Variants in PEBP4 observed in about 807,000 individuals in gnomAD.
The protein encoded by PEBP4 is phosphatidylethanolamine binding protein 4, also known as phosphatidylethanolamine-binding protein 4.
In PEBP4, 22 loss-of-function variants were observed where a neutral mutation model predicts 23.9. The ratio of observed to expected loss-of-function variants is 0.92; its 90% CI spans 0.66 to 1.31. The LOEUF (loss-of-function observed/expected upper bound fraction) is 1.31, where lower values mean the gene tolerates loss of function less well. Ranked by LOEUF, PEBP4 falls within the 40% of genes most tolerant of loss-of-function variation. PEBP4 has a pLI of 0.00. For missense variants in PEBP4, 324 were observed against 281.7 expected, an observed-to-expected ratio of 1.15 and a Z score of -1.07; for synonymous variants, 112 against 99.3, an observed-to-expected ratio of 1.13 and a Z score of -0.76.
At chr8:22,857,350 C>G (rs1482011584) in intron 3 of PEBP4, among the ~76,000 whole-genome samples, 1 of 152,166 alleles carries the variant, frequency 6.6e-6, no homozygotes, top group African/African-American at 2.4e-5. Flanking sequence ...GGCTCCATCA[C>G]CTACCAATGC....
intron 3 of PEBP4, among the ~76,000 whole-genome samples, chr8:22,911,537 C>T (rs991493400): frequency 1.3e-5 from 2 of 152,250 alleles, no homozygotes; most frequent in African/African-American, 4.8e-5. Context: ...TGATACTGCT[C>T]TTCTAAAAAT....
intron 4 of PEBP4, chr8:22,798,511 C>T (rs1806310707): frequency 6.5e-6 from 1 of 153,400 alleles, no homozygotes; most frequent in African/African-American, 2.4e-5. Flanking sequence ...AACTTGCTCA[C>T]CTGCATGCCC....
chr8:22,792,124 G>T (rs1806152928), intron 4 of PEBP4, among the ~76,000 whole-genome samples: 1 of 151,942 alleles, frequency 6.6e-6, no homozygotes, highest in Non-Finnish European at 1.5e-5. Flanking sequence ...CTCCCAAAGT[G>T]CTGGGATTAC....
chr8:22,756,501 C>T (rs2128752437), intron 4 of PEBP4, among the ~76,000 whole-genome samples: 1 of 152,322 alleles, frequency 6.6e-6, no homozygotes, highest in East Asian at 1.9e-4. Context: ...CCTCCCTGGC[C>T]CTGGCCCCAG....
intron 3 of PEBP4, among the ~76,000 whole-genome samples, chr8:22,912,368 G>A (rs1808956704): frequency 6.6e-6 from 1 of 152,242 alleles, no homozygotes; most frequent in Admixed American, 6.5e-5. Flanking sequence ...GAGGGGCAGA[G>A]AGTGGAGCTC....
rs10680983 is a variant in PEBP4 at position 22,725,999 on chromosome 8, A to ATGTGTGTGTGTGTGTG, written c.404-1059_404-1044dup. On this transcript the variant is annotated intron_variant, in intron 5 of 6. Coordinates refer to ENST00000256404, the MANE Select transcript of PEBP4 (RefSeq NM_144962.3). ...CATTTTTGGATCGCAGATCAGATAT[A>ATGTGTGTGTGTGTGTG]TGTGTGTGTGTGTGTGTGTGTGTGT... Among the ~76,000 whole-genome samples the ATGTGTGTGTGTGTGTG allele has an allele frequency of 2.3e-3, 337 of 146,440 alleles. 1 individual carries two copies. The highest frequency in any genetic ancestry group is 3.7e-3 in the Admixed American group (55 of 14,698).
At chr8:22,935,635 T>C (rs1043958638) in intron 1 of PEBP4, among the ~76,000 whole-genome samples, 2 of 152,228 alleles carry the variant, frequency 1.3e-5, no homozygotes, top group Non-Finnish European at 2.9e-5. Flanking sequence ...ATCCTACACC[T>C]GACCTCATGT....
At chr8:22,717,451 GATGTATTTCCA>G (rs1237578133) in intron 6 of PEBP4, among the ~76,000 whole-genome samples, 5 of 57,842 alleles carry the variant, frequency 8.6e-5, no homozygotes, top group Admixed American at 4.4e-4. Context: ...TTTCCGTCCT[GATGTATTTCCA>G]TCCTGATGTA....
chr8:22,877,220 C>T (rs945115752), intron 3 of PEBP4, among the ~76,000 whole-genome samples: 1 of 152,138 alleles, frequency 6.6e-6, no homozygotes, highest in South Asian at 2.1e-4. Flanking sequence ...TGGCTAAGAG[C>T]CCTTTTTGTC....
chr8:22,724,473 G>C (rs1036950234), intron 6 of PEBP4, among the ~76,000 whole-genome samples: 1 of 152,244 alleles, frequency 6.6e-6, no homozygotes, highest in Non-Finnish European at 1.5e-5. Context: ...GCCCAGATCA[G>C]ACTCAATTAC....
chr8:22,749,149 G>A (rs979621293), intron 4 of PEBP4, among the ~76,000 whole-genome samples: 2 of 152,212 alleles, frequency 1.3e-5, no homozygotes, highest in African/African-American at 4.8e-5. Flanking sequence ...AGGAAGGAGA[G>A]TGGGGATGGC....
Position 22,919,765 on chromosome 8 carries a change from C to G in PEBP4, c.258+419G>C, listed in dbSNP as rs1370809895. On this transcript the variant is annotated intron_variant, in intron 3 of 6. Coordinates refer to ENST00000256404, the MANE Select transcript of PEBP4 (RefSeq NM_144962.3). ...GGTAAATACCAGCTTCTCTCCAGCC[C>G]AGAAGCCATCTGAAGGCCCAGGCAC... 2.6e-5 allele frequency among the ~76,000 whole-genome samples: 4 copies of G among 152,308 alleles called. No individual in the cohort carries two copies. The East Asian group carries it at 7.7e-4, about 29-fold the overall frequency.
At chr8:22,898,679 C>T (rs188853588) in intron 3 of PEBP4, among the ~76,000 whole-genome samples, 47 of 152,352 alleles carry the variant, frequency 3.1e-4, no homozygotes, top group African/African-American at 1.0e-3. Context: ...TGGCTGTTAG[C>T]TCCTCTTTGT....
Position 22,865,804 on chromosome 8 carries a change from C to T in PEBP4, c.259-48069G>A, listed in dbSNP as rs1026810413. Reference sequence around the variant, plus strand: ...CGGCCACTCCCGGGGGCGCGAGCGGCGGCGCCTAGAGGGACCCCCACCCCG... The same window carrying T: ...CGGCCACTCCCGGGGGCGCGAGCGGTGGCGCCTAGAGGGACCCCCACCCCG... On this transcript the variant is annotated intron_variant, in intron 3 of 6. Transcript: ENST00000256404. The surrounding 1 kb of genome is among the most constrained non-coding windows in gnomAD (Gnocchi z 6.9). Among the ~76,000 whole-genome samples the T allele has an allele frequency of 6.6e-6, 1 of 152,294 alleles. No individual in the cohort carries two copies. Among genetic ancestry groups the T allele is most frequent in the Admixed American group, 6.5e-5 (1 of 15,302 alleles).
Position 22,830,063 on chromosome 8 carries a change from C to T in PEBP4, c.259-12328G>A, listed in dbSNP as rs534216805. On this transcript the variant is annotated intron_variant, in intron 3 of 6. Coordinates refer to ENST00000256404, the MANE Select transcript of PEBP4 (RefSeq NM_144962.3). ...ATGACTTCTGTGCTTCCATCCTATT[C>T]TTCTTCCTCAAGCCTTGTTTTCCCC... Among the ~76,000 whole-genome samples the T allele has an allele frequency of 2.0e-3, 307 of 151,950 alleles. 3 individuals are homozygous for T. The highest frequency in any genetic ancestry group is 3.3e-3 in the Non-Finnish European group (227 of 67,968).
intron 4 of PEBP4, among the ~76,000 whole-genome samples, chr8:22,786,375 T>C (rs1806027087): frequency 6.6e-6 from 1 of 151,748 alleles, no homozygotes; most frequent in Admixed American, 6.6e-5. Context: ...CTTGACCTCC[T>C]GGGTTCAAGC....
intron 3 of PEBP4, among the ~76,000 whole-genome samples, chr8:22,841,703 G>C (rs1301962346): frequency 2.6e-5 from 4 of 152,230 alleles, no homozygotes; most frequent in African/African-American, 9.6e-5. Flanking sequence ...CCCTGTGCTA[G>C]AATGAACCCT....
intron 4 of PEBP4, among the ~76,000 whole-genome samples, chr8:22,738,695 C>T (rs1023848395): frequency 2.6e-5 from 4 of 152,158 alleles, no homozygotes; most frequent in African/African-American, 9.7e-5. Flanking sequence ...TCCACACTCT[C>T]ACATATACAT....
chr8:22,728,552 CTTTCTTTCTTCCTTCCTT>C (rs1804666224), intron 4 of PEBP4, among the ~76,000 whole-genome samples: 1 of 87,964 alleles, frequency 1.1e-5, no homozygotes, highest in Non-Finnish European at 2.7e-5. Flanking sequence ...TCCTTTCTTT[CTTTCTTTCTTCCTTCCTT>C]CCTTCCTTCC....
Sources: gnomAD v4.1 joint callset for allele counts (sites outside exome capture counted in the v4.1 genomes callset) on GRCh38, gnomAD v4.1.1 for gene constraint, Gnocchi (gnomAD v3.1) non-coding constraint, MANE v1.5 for transcripts, NCBI Gene and HGNC (gene_info 2026-07-23, HGNC 2026-07-21) for gene names.